SEPTIN7: variants seen among roughly 807,000 people sequenced by gnomAD.
SEPTIN7 encodes septin-7.
A neutral mutation model predicts 63.3 loss-of-function variants in SEPTIN7; 10 were observed. The observed-to-expected ratio is 0.16, with a 90% CI of 0.10 to 0.27. SEPTIN7 has a LOEUF of 0.27. Ranked by LOEUF, SEPTIN7 falls within the 10% of genes least tolerant of loss-of-function variation. The pLI is 1.00. For missense variants in SEPTIN7, 310 were observed against 521.0 expected (o/e 0.59, Z 3.94); for synonymous variants, 131 against 165.3 (o/e 0.79, Z 1.59).
intron 12 of SEPTIN7, chr7:35,899,641 GGGAGGCCAA>G (rs1788188215): frequency 2.0e-5 from 3 of 152,300 alleles, no homozygotes; most frequent in African/African-American, 7.2e-5. Context: ...CCAGCAGTTT[GGGAGGCCAA>G]AGAAGAAGGA....
intron 4 of SEPTIN7, among the ~76,000 whole-genome samples, chr7:35,871,113 G>A (rs1296609484): frequency 6.6e-6 from 1 of 152,134 alleles, no homozygotes; most frequent in Non-Finnish European, 1.5e-5. Context: ...ATTGCCAATA[G>A]TATATATTTG....
chr7:35,801,242 GGA>G lies in SEPTIN7; in HGVS notation c.37_38del (p.Arg13GlufsTer15), dbSNP rs1787939218. 1 of 1,536,122 alleles carries G rather than the reference GGA, an allele frequency of 6.5e-7. No homozygotes were observed. The highest frequency in any genetic ancestry group is 1.4e-5 in the African/African-American group (1 of 71,114). Reference sequence around the variant, plus strand: ...TCAGTGCGAGATCCGCTGCTGCTGAGGAGAGGAGCGTCAACAGCAGCACCATG... The same window carrying G: ...TCAGTGCGAGATCCGCTGCTGCTGAGGAGGAGCGTCAACAGCAGCACCATG... ...SVSARSAAAEERSVNSSTMVA... is the reference protein window; with the variant it reads ...SVSARSAAAEXRSVNSSTMVA... On this transcript the variant is annotated frameshift_variant, in exon 1 of 14. Transcript: ENST00000350320. LOFTEE classifies it high-confidence loss of function.
chr7:35,849,530 C>T (rs1784853424), intron 3 of SEPTIN7, among the ~76,000 whole-genome samples: 1 of 152,112 alleles, frequency 6.6e-6, no homozygotes, highest in Non-Finnish European at 1.5e-5. Flanking sequence ...CCTAACAGGC[C>T]ACGGACTGTG....
intron 4 of SEPTIN7, among the ~76,000 whole-genome samples, chr7:35,869,490 T>A (rs1786017750): frequency 6.6e-6 from 1 of 152,224 alleles, no homozygotes; most frequent in Non-Finnish European, 1.5e-5. Flanking sequence ...TAATGCTACC[T>A]CTTGAGCAAG....
chr7:35,827,711 G>A (rs1274607865), intron 1 of SEPTIN7, among the ~76,000 whole-genome samples: 3 of 152,010 alleles, frequency 2.0e-5, no homozygotes, highest in African/African-American at 4.8e-5. Flanking sequence ...GGCAGGTCTC[G>A]AACTCCTGAC....
chr7:35,912,440 T>C, the SEPTIN7 span, among the ~76,000 whole-genome samples: 1 of 152,262 alleles, frequency 6.6e-6, no homozygotes, highest in Non-Finnish European at 1.5e-5. Context: ...ATTGAATATC[T>C]ATAGAAACAA....
At chr7:35,837,585 T>C (rs746561743) in intron 3 of SEPTIN7, among the ~76,000 whole-genome samples, 1 of 152,212 alleles carries the variant, frequency 6.6e-6, no homozygotes, top group Non-Finnish European at 1.5e-5. Context: ...TAATACCAAA[T>C]TGCTCTAAAA....
intron 1 of SEPTIN7, among the ~76,000 whole-genome samples, chr7:35,829,125 C>CTTCTTTTTTTTTT (rs1316750726): frequency 3.3e-5 from 3 of 90,516 alleles, no homozygotes; most frequent in Non-Finnish European, 6.9e-5. Context: ...GTTCATGGAC[C>CTTCTTTTTTTTTT]TTCTTTTTTT....
chr7:35,805,022 C>T (rs1788242738), intron 1 of SEPTIN7, among the ~76,000 whole-genome samples: 1 of 151,956 alleles, frequency 6.6e-6, no homozygotes, highest in Non-Finnish European at 1.5e-5. Flanking sequence ...GCTGGGGTTA[C>T]AGGCACTCGC....
intron 11 of SEPTIN7, among the ~76,000 whole-genome samples, chr7:35,893,450 T>C (rs1787769823): frequency 1.3e-5 from 2 of 152,182 alleles, no homozygotes; most frequent in Admixed American, 6.5e-5. Context: ...TGCCACATAA[T>C]GATGTTTCAG....
At chr7:35,814,543 C>A (rs1224880696) in intron 1 of SEPTIN7, among the ~76,000 whole-genome samples, 1 of 152,088 alleles carries the variant, frequency 6.6e-6, no homozygotes, top group African/African-American at 2.4e-5. Context: ...TACACTATTT[C>A]TCATTACACT....
chr7:35,898,452 T>G (rs1007244459), intron 12 of SEPTIN7, 69 bp downstream of exon 12: 1 of 1,014,308 alleles, frequency 9.9e-7, no homozygotes, highest in African/African-American at 1.6e-5. Flanking sequence ...TTCAGTAAAA[T>G]TTATAGATAA....
chr7:35,874,205 T>G (rs1279722383), intron 6 of SEPTIN7: 2 of 156,832 alleles, frequency 1.3e-5, no homozygotes, highest in African/African-American at 4.8e-5. Flanking sequence ...ATGCCAATGT[T>G]TTCTTGTGCC....
chr7:35,896,184 T>C (rs1787952375), intron 11 of SEPTIN7, among the ~76,000 whole-genome samples: 1 of 152,118 alleles, frequency 6.6e-6, no homozygotes, highest in Admixed American at 6.5e-5. Context: ...TAAATAATAA[T>C]TTAGGTGGCA....
At chr7:35,818,724 A>C (rs1004828771) in intron 1 of SEPTIN7, among the ~76,000 whole-genome samples, 3 of 151,752 alleles carry the variant, frequency 2.0e-5, no homozygotes, top group African/African-American at 7.3e-5. Context: ...GAATTTTTGC[A>C]TTTCCTCTAG....
At chr7:35,842,284 C>G (rs1056882058) in intron 3 of SEPTIN7, among the ~76,000 whole-genome samples, 8 of 151,896 alleles carry the variant, frequency 5.3e-5, no homozygotes, top group African/African-American at 1.9e-4. Flanking sequence ...AACCTGTCTC[C>G]CATGAAAGAC....
intron 3 of SEPTIN7, among the ~76,000 whole-genome samples, chr7:35,846,255 G>A (rs1784660515): frequency 6.6e-6 from 1 of 152,104 alleles, no homozygotes; most frequent in Non-Finnish European, 1.5e-5. Flanking sequence ...TATTTTTATA[G>A]GTGTATCATA....
intron 1 of SEPTIN7, among the ~76,000 whole-genome samples, chr7:35,829,723 C>T (rs898869006): frequency 2.0e-5 from 3 of 152,028 alleles, no homozygotes; most frequent in East Asian, 1.9e-4. Context: ...GCTTACATTG[C>T]GGGCAGGGTG....
At chr7:35,913,571 C>G in the SEPTIN7 span, among the ~76,000 whole-genome samples, 1 of 148,484 alleles carries the variant, frequency 6.7e-6, no homozygotes, top group Non-Finnish European at 1.5e-5. Context: ...TTCTTTCTTT[C>G]CTTCCTTCCT....
Sources: gnomAD v4.1 joint callset for allele counts (sites outside exome capture counted in the v4.1 genomes callset) on GRCh38, gnomAD v4.1.1 for gene constraint, MANE v1.5 for transcripts, NCBI Gene and HGNC (gene_info 2026-07-23, HGNC 2026-07-21) for gene names.